The following FANCA variants were observed in gnomAD, a reference collection of about 807,000 sequenced individuals.
FANCA encodes FA complementation group A.
A neutral mutation model predicts 194.3 loss-of-function variants in FANCA; 236 were observed. The ratio of observed to expected loss-of-function variants is 1.21; its 90% CI spans 1.09 to 1.35. FANCA has a LOEUF of 1.35. Among genes scored for constraint, FANCA ranks in the 40% most tolerant of loss-of-function variants. The probability of loss-of-function intolerance (pLI) is 0.00; values close to 1 mark genes in which losing one functional copy is unlikely to be tolerated. For missense variants in FANCA, 2,628 were observed against 1,813.9 expected, an observed-to-expected ratio of 1.45 and a Z score of -8.15; for synonymous variants, 1,014 against 715.8, an observed-to-expected ratio of 1.42 and a Z score of -6.65.
At position 89,744,674 on chromosome 16, in the gene FANCA, T is replaced by TG. The variant is rs1442807499; in HGVS notation, c.3626+284_3626+285insC. ...GACACTGGCAGAGGCTGTTTTTTTT[T>TG]TTGTTTTTTTTCTGGACAGAGTCTT... On this transcript the variant is annotated intron_variant, in intron 36 of 42. Transcript: ENST00000389301. 9.1e-6 allele frequency: 4 copies of TG among 437,508 alleles called. No homozygotes were observed. In the East Asian group the frequency reaches 1.4e-4, roughly 15 times the overall value. 27.1% of individuals were successfully genotyped at this position (437,508 alleles called of 1,614,324 possible).
chr16:89,738,380 T>C lies in FANCA; in HGVS notation c.*221A>G, dbSNP rs991918629. Reference sequence around the variant, plus strand: ...CTTGGTGCTGGAGGCGGGCTTGGTGTCCGGCTCAAGTAGCCTTCCTCTGCT... The same window carrying C: ...CTTGGTGCTGGAGGCGGGCTTGGTGCCCGGCTCAAGTAGCCTTCCTCTGCT... On this transcript the variant is annotated 3_prime_UTR_variant, in exon 43 of 43. Transcript: ENST00000389301. 2.1e-6 allele frequency: 3 copies of C among 1,423,336 alleles called. No homozygotes were observed. Among genetic ancestry groups the C allele is most frequent in the Non-Finnish European group, 2.8e-6 (3 of 1,064,936 alleles). The allele number at this position is 1,423,336 out of a possible 1,614,324, so 88.2% of individuals were successfully genotyped here. A position where few individuals can be genotyped will look rare whatever the true frequency, so the allele number is the denominator to read the frequency against.
rs373907502 is a variant in FANCA, at chr16:89,815,872, C to T, written c.189+5G>A. ...GCCCGCAGACGGACACCAGCTTCCT[C>T]TTACCTCAAGCAAAAGGGCATTCAG... On this transcript the variant is annotated splice_donor_5th_base_variant and intron_variant, in intron 2 of 42. Coordinates refer to ENST00000389301, the MANE Select transcript of FANCA (RefSeq NM_000135.4). 21 of 1,607,304 alleles carry T rather than the reference C, an allele frequency of 1.3e-5. No homozygotes were observed. The African/African-American group carries it at 2.8e-4, about 21-fold the overall frequency.
At chr16:89,785,101 G>C (rs1388916189) in intron 14 of FANCA, 137 bp from the exon 15 acceptor site, 1 of 719,834 alleles carries the variant, frequency 1.4e-6, no homozygotes, top group African/African-American at 1.7e-5. Flanking sequence ...TGTCCTGTGT[G>C]GAGAGAAGAG....
rs902582077 is a variant in FANCA at position 89,791,246 on chromosome 16, G to T, written c.1359+157C>A. On this transcript the variant is annotated intron_variant, in intron 14 of 42. Transcript: ENST00000389301. ...CCGACAGGGAGAACCCAGGCTCCTC[G>T]GCACACGCAGAGGAAGATCTGCCAA... 1.3e-5 allele frequency: 13 copies of T among 967,280 alleles called. No individual in the cohort carries two copies. In the African/African-American group the frequency reaches 2.1e-4, roughly 16 times the overall value. The allele number at this position is 967,280 out of a possible 1,614,324, so 59.9% of individuals were successfully genotyped here.
intron 10 of FANCA, among the ~76,000 whole-genome samples, chr16:89,796,221 A>T (rs2040240844): frequency 6.6e-6 from 1 of 152,186 alleles, no homozygotes; most frequent in African/African-American, 2.4e-5. Flanking sequence ...GCAACGGCGA[A>T]ACCCACGGAG....
Position 89,816,554 on chromosome 16 carries a change from G to T in FANCA, c.62C>A (p.Ala21Asp). 6.6e-7 allele frequency: 1 copy of T among 1,509,840 alleles called. No homozygotes were observed. Among genetic ancestry groups the T allele is most frequent in the Non-Finnish European group, 8.8e-7 (1 of 1,136,724 alleles). The allele number at this position is 1,509,840 out of a possible 1,614,324, so 93.5% of individuals were successfully genotyped here. ...SGQDPGGRRR[A>D]WAELLAGRVK... ...CCACCTACCCAGCAGCTCGGCCCAG[G>T]CCCTCCGGCGGCCCCCTGGGTCCTG... Residue 21 changes from alanine (A) to aspartate (D), a missense_variant, in exon 1 of 43, where the codon GCC becomes GAC. Physicochemically the swap from Ala to Asp is moderately radical, Grantham distance 126 (BLOSUM62 -2). Transcript: ENST00000389301.
intron 22 of FANCA, 28 bp downstream of exon 22, chr16:89,773,243 C>T: frequency 6.6e-7 from 1 of 1,509,654 alleles, no homozygotes. Flanking sequence ...ACACATGAGA[C>T]ACAGCATGAG....
intron 2 of FANCA, 88 bp downstream of exon 2, chr16:89,815,789 G>A: frequency 9.1e-7 from 1 of 1,094,218 alleles, no homozygotes; most frequent in South Asian, 1.2e-5. Context: ...CGCCGCCTCG[G>A]GTGTTTTCTT....
intron 31 of FANCA, among the ~76,000 whole-genome samples, chr16:89,750,501 A>AAAAAAAAAAAAAAAAC (rs1289505609): frequency 8.2e-5 from 12 of 145,582 alleles, no homozygotes; most frequent in East Asian, 2.2e-4. Flanking sequence ...ACAAACAAAA[A>AAAAAAAAAAAAAAAAC]AAAACAGCCA....
At chr16:89,816,344 C>A (rs1297189835) in intron 1 of FANCA, 193 bp downstream of exon 1, 1 of 301,740 alleles carries the variant, frequency 3.3e-6, no homozygotes, top group Non-Finnish European at 5.9e-6. Flanking sequence ...CTGGGGGCGT[C>A]CGCCCAGGCG....
At chr16:89,787,913 G>T (rs1014673374) in intron 14 of FANCA, among the ~76,000 whole-genome samples, 3 of 151,084 alleles carry the variant, frequency 2.0e-5, no homozygotes, top group Non-Finnish European at 2.9e-5. Flanking sequence ...TTGCTCCATT[G>T]CCCAGGCTGG....
In FANCA at chr16:89,763,187, C is replaced by T. The variant is rs186972609; in HGVS notation, c.2779-1165G>A. Among the ~76,000 whole-genome samples, 417 of 151,982 alleles carry T rather than the reference C, an allele frequency of 2.7e-3. 1 individual carries two copies. The highest frequency in any genetic ancestry group is 9.2e-3 in the Admixed American group (140 of 15,250). On this transcript the variant is annotated intron_variant, in intron 28 of 42. Coordinates refer to ENST00000389301, the MANE Select transcript of FANCA (RefSeq NM_000135.4). ...CCTTGAACCCAGAAGGCTGAGGTTG[C>T]AGTGACCCAAGATTGTGCCACTGCA...
At chr16:89,808,430 T>C (rs1261742815) in intron 5 of FANCA, 63 bp from the exon 6 acceptor site, 1 of 1,497,766 alleles carries the variant, frequency 6.7e-7, no homozygotes. Flanking sequence ...TCTGAGTCCT[T>C]TATGAATGCA....
chr16:89,743,070 AC>A, intron 36 of FANCA, 132 bp from the exon 37 acceptor site: 2 of 1,034,210 alleles, frequency 1.9e-6, no homozygotes, highest in Non-Finnish European at 1.4e-6. Context: ...GGGTTTCAGG[AC>A]CATCAGAAAC....
intron 36 of FANCA, 100 bp downstream of exon 36, chr16:89,744,859 A>T: frequency 9.2e-7 from 1 of 1,091,902 alleles, no homozygotes; most frequent in Non-Finnish European, 1.4e-6. Context: ...GGCTGCCCAC[A>T]CCGCTTCTCT....
At chr16:89,797,920 T>G (rs143439321) in intron 10 of FANCA, among the ~76,000 whole-genome samples, 1 of 147,274 alleles carries the variant, frequency 6.8e-6, no homozygotes, top group African/African-American at 2.5e-5. Context: ...AAATAAATAA[T>G]TGGCAACTAA....
At chr16:89,743,777 C>G (rs773572246) in intron 36 of FANCA, among the ~76,000 whole-genome samples, 1 of 152,044 alleles carries the variant, frequency 6.6e-6, no homozygotes, top group Non-Finnish European at 1.5e-5. Context: ...GAGCCGAGAT[C>G]GTGCCATCTC....
At chr16:89,800,960 T>G (rs12599799) in intron 8 of FANCA, among the ~76,000 whole-genome samples, 79,098 of 149,080 alleles carry the variant, frequency 0.53, 23,013 homozygotes, top group East Asian at 0.98. Flanking sequence ...TTGAACCCGG[T>G]AGGCGGAGCT....
intron 30 of FANCA, among the ~76,000 whole-genome samples, chr16:89,753,662 G>A (rs76801538): frequency 0.021 from 3,195 of 152,142 alleles, 92 homozygotes; most frequent in African/African-American, 0.067. Context: ...CACAGCAAAC[G>A]TCAGATTTAA....
Sources: gnomAD v4.1 joint callset for allele counts (sites outside exome capture counted in the v4.1 genomes callset) on GRCh38, gnomAD v4.1.1 for gene constraint, MANE v1.5 for transcripts, NCBI Gene and HGNC (gene_info 2026-07-23, HGNC 2026-07-21) for gene names.